The following IK variants were observed in gnomAD, a reference collection of about 807,000 sequenced individuals.
IK encodes the protein protein Red.
Under a neutral mutation model 90.9 loss-of-function variants are expected in IK, and 47 were observed. That is an observed-to-expected ratio of 0.52 (90% CI 0.41 to 0.66). The LOEUF is 0.66. Ranked by LOEUF, IK falls within the 30% of genes least tolerant of loss-of-function variation. IK has a pLI of 0.00. For missense variants in IK, 385 were observed against 709.3 expected (o/e 0.54, Z 5.19); for synonymous variants, 201 against 227.5 (o/e 0.88, Z 1.05).
At chr5:140,658,055 A>G (rs1447655860) in intron 10 of IK, among the ~76,000 whole-genome samples, 1 of 152,208 alleles carries the variant, frequency 6.6e-6, no homozygotes, top group Non-Finnish European at 1.5e-5. Flanking sequence ...GCTGGAGTAC[A>G]GTGGTGCGAT....
At position 140,661,619 on chromosome 5, in the gene IK, G is replaced by T; in HGVS notation, c.1414-1G>T. The T allele has an allele frequency of 6.2e-7, 1 of 1,602,762 alleles. No homozygotes were observed. The highest frequency in any genetic ancestry group is 8.5e-7 in the Non-Finnish European group (1 of 1,173,664). On this transcript the variant is annotated splice_acceptor_variant, in intron 16 of 19. Transcript: ENST00000417647. LOFTEE classifies it high-confidence loss of function. The surrounding 1 kb of genome is among the most constrained non-coding windows in gnomAD (Gnocchi z 4.2). ...CATCCCCCGATTCTGTCCTGCAACAGGGTAACAAGAAGGGGCCCTTAGGCC... is the reference window on the plus strand; with the variant it reads ...CATCCCCCGATTCTGTCCTGCAACATGGTAACAAGAAGGGGCCCTTAGGCC...
At chr5:140,648,251 C>T in intron 1 of IK, 2 of 705,340 alleles carry the variant, frequency 2.8e-6, no homozygotes, top group Non-Finnish European at 5.2e-6. Context: ...TAGACGTGAT[C>T]TTCCGGAAGT....
At chr5:140,656,606 T>C (rs889029119) in intron 9 of IK, among the ~76,000 whole-genome samples, 8 of 152,234 alleles carry the variant, frequency 5.3e-5, no homozygotes, top group Admixed American at 4.6e-4. Context: ...ATATAATTCA[T>C]CCTTTAAAGA....
intron 8 of IK, among the ~76,000 whole-genome samples, chr5:140,655,626 A>T (rs1218178999): frequency 1.3e-5 from 2 of 152,250 alleles, no homozygotes; most frequent in African/African-American, 2.4e-5. Context: ...TAGATACATG[A>T]CTTTAGGTAA....
At chr5:140,652,467 C>T (rs1046816681) in intron 4 of IK, among the ~76,000 whole-genome samples, 1 of 152,110 alleles carries the variant, frequency 6.6e-6, no homozygotes, top group Non-Finnish European at 1.5e-5. Context: ...TACATGTAGG[C>T]ATTTAGCACC....
At chr5:140,650,367 G>A (rs1360788984) in intron 2 of IK, among the ~76,000 whole-genome samples, 1 of 152,152 alleles carries the variant, frequency 6.6e-6, no homozygotes, top group Non-Finnish European at 1.5e-5. Context: ...TTTTAAAACT[G>A]AGGTCAGCAG....
intron 2 of IK, among the ~76,000 whole-genome samples, chr5:140,650,499 C>T (rs1757597355): frequency 1.3e-5 from 2 of 152,188 alleles, no homozygotes; most frequent in Admixed American, 1.3e-4. Flanking sequence ...TGCTGTCTTT[C>T]CCTCTTTGGG....
In IK at chr5:140,655,938, C is replaced by T. The variant is rs766884530; in HGVS notation, c.747C>T (p.Asp249=). The T allele has an allele frequency of 2.3e-5, 36 of 1,565,572 alleles. No homozygotes were observed. The highest frequency in any genetic ancestry group is 3.3e-4 in the Middle Eastern group (2 of 6,026). Residue 249 remains aspartate (D), a synonymous_variant, in exon 9 of 20, where the codon GAC becomes GAT. Transcript: ENST00000417647. Reference sequence around the variant, plus strand: ...TAGACCTGGATGATGAGTATGCTGACACAGATATCCCCACCACTCTTATCC... The same window carrying T: ...TAGACCTGGATGATGAGTATGCTGATACAGATATCCCCACCACTCTTATCC... ...YVVDLDDEYA[D]TDIPTTLIRS...
In IK at chr5:140,651,824, C is replaced by T. The variant is rs752552379; in HGVS notation, c.176+18C>T. 1.4e-6 allele frequency: 2 copies of T among 1,470,842 alleles called. No homozygotes were observed. Among genetic ancestry groups the T allele is most frequent in the South Asian group, 1.1e-5 (1 of 87,006 alleles). The allele number at this position is 1,470,842 out of a possible 1,614,324, so 91.1% of individuals were successfully genotyped here. On this transcript the variant is annotated intron_variant, in intron 3 of 19. Transcript: ENST00000417647. ...CACCATGAGTAAGTCTTTGGGTGAT[C>T]CAACCTGTCTCCCAACTTGTTTCTT...
intron 15 of IK, 167 bp from the exon 16 acceptor site, chr5:140,660,591 C>T (rs1581485892): frequency 5.1e-6 from 3 of 586,730 alleles, no homozygotes; most frequent in African/African-American, 3.8e-5. Context: ...AGCCACTGCG[C>T]CTGGCCCAAG....
In IK at chr5:140,659,728, G is replaced by A. The variant is rs150261567; in HGVS notation, c.1196-28G>A. On this transcript the variant is annotated intron_variant, in intron 13 of 19. Coordinates refer to ENST00000417647, the MANE Select transcript of IK (RefSeq NM_006083.4). The stretch of plus-strand genomic sequence containing the variant: ...GAGGTTGTGAGAGCCTCAGTTCAAG[G>A]TCTGGGCTGAGTTCTCTTTTCTCCT... 670 of 1,467,124 alleles carry A rather than the reference G, an allele frequency of 4.6e-4. 3 individuals carry two copies. The African/African-American group carries it at 8.7e-3, about 19-fold the overall frequency. 90.9% of individuals were successfully genotyped at this position (1,467,124 alleles called of 1,614,324 possible).
Position 140,659,140 on chromosome 5 carries a change from T to C in IK, c.1152T>C (p.Phe384=). 1 of 1,592,752 alleles carries C rather than the reference T, an allele frequency of 6.3e-7. No homozygotes were observed. The highest frequency in any genetic ancestry group is 1.1e-5 in the South Asian group (1 of 89,170). The change falls in exon 12 of 20, where the codon TTT becomes TTC. Residue 384 remains phenylalanine, a synonymous_variant. Coordinates refer to ENST00000417647, the MANE Select transcript of IK (RefSeq NM_006083.4). The part of the protein sequence containing the change: ...REEEKKRHSY[F]EKPKVDDEPM... ...AGGAAAAGAAGAGACACAGCTACTT[T>C]GAGAAGCCAAAAGTAGATGATGAGG... is the stretch of plus-strand genomic sequence containing the variant.
intron 2 of IK, among the ~76,000 whole-genome samples, chr5:140,649,327 G>A (rs1757571060): frequency 6.6e-6 from 1 of 150,420 alleles, no homozygotes; most frequent in Non-Finnish European, 1.5e-5. Context: ...TCCTGCCTCA[G>A]CCTCCCAAGT....
rs749013145 is a variant in IK at position 140,647,857 on chromosome 5, G to C, written c.-52G>C. ...CTGTGGGAAAGAGCTTGTCGCTGCG[G>C]TGTTGCTGTTGGAGACTCGATTGTT... On this transcript the variant is annotated 5_prime_UTR_variant, in exon 1 of 20. Transcript: ENST00000417647. 1 of 1,609,926 alleles carries C rather than the reference G, an allele frequency of 6.2e-7. No individual in the cohort carries two copies. Among genetic ancestry groups the C allele is most frequent in the African/African-American group, 1.3e-5 (1 of 74,848 alleles).
chr5:140,657,489 A>G (rs1392840319), intron 9 of IK, 65 bp from the exon 10 acceptor site: 6 of 1,100,552 alleles, frequency 5.5e-6, no homozygotes, highest in Non-Finnish European at 8.1e-6. Context: ...TGTTAAGTGA[A>G]TGAATGAATA....
At chr5:140,655,339 G>C (rs1757691900) in intron 8 of IK, among the ~76,000 whole-genome samples, 1 of 152,168 alleles carries the variant, frequency 6.6e-6, no homozygotes, top group Non-Finnish European at 1.5e-5. Context: ...TGACTTTGCT[G>C]TTTGTTCATC....
intron 10 of IK, among the ~76,000 whole-genome samples, 169 bp downstream of exon 10, chr5:140,657,831 T>G (rs1347152487): frequency 1.3e-5 from 2 of 152,180 alleles, no homozygotes; most frequent in Non-Finnish European, 2.9e-5. Flanking sequence ...AGATTCTGTC[T>G]CCTTAACCTA....
chr5:140,660,964 T>C (rs2149808715), intron 16 of IK, 149 bp downstream of exon 16: 1 of 606,840 alleles, frequency 1.6e-6, no homozygotes, highest in Admixed American at 2.9e-5. Context: ...TTGAGGGTCA[T>C]GAGCAGCTTA....
At chr5:140,656,764 C>T (rs1033973260) in intron 9 of IK, among the ~76,000 whole-genome samples, 3 of 152,146 alleles carry the variant, frequency 2.0e-5, no homozygotes, top group African/African-American at 4.8e-5. Context: ...TTTTGTGTTA[C>T]AAACAATCCA....
Sources: gnomAD v4.1 joint callset for allele counts (sites outside exome capture counted in the v4.1 genomes callset) on GRCh38, gnomAD v4.1.1 for gene constraint, Gnocchi (gnomAD v3.1) non-coding constraint, MANE v1.5 for transcripts, NCBI Gene and HGNC (gene_info 2026-07-23, HGNC 2026-07-21) for gene names.